The following GRID2 variants were observed in gnomAD, a reference collection of about 807,000 sequenced individuals.
GRID2 encodes glutamate receptor ionotropic, delta-2.
In GRID2, 33 loss-of-function variants were observed where a neutral mutation model predicts 114.8. The ratio of observed to expected loss-of-function variants is 0.29; its 90% CI spans 0.22 to 0.38. The LOEUF is 0.38. Ranked by LOEUF, GRID2 falls within the 10% of genes least tolerant of loss-of-function variation. The pLI is 1.00. For missense variants in GRID2, 1,184 were observed against 1,257.7 expected (o/e 0.94, Z 0.89); for synonymous variants, 505 against 449.9 (o/e 1.12, Z -1.55).
At chr4:93,612,015 A>C (rs371779335) in intron 13 of GRID2, among the ~76,000 whole-genome samples, 10 of 151,390 alleles carry the variant, frequency 6.6e-5, no homozygotes, top group African/African-American at 1.9e-4. Context: ...TGGGTGCATA[A>C]ATATTTAGGA....
At chr4:93,398,540 G>A (rs1319467029) in intron 9 of GRID2, among the ~76,000 whole-genome samples, 2 of 151,792 alleles carry the variant, frequency 1.3e-5, no homozygotes, top group African/African-American at 4.8e-5. Context: ...GTTTTATTGG[G>A]AAGGATTGTA....
chr4:93,308,247 T>G (rs1024547880), intron 8 of GRID2, among the ~76,000 whole-genome samples: 1 of 152,206 alleles, frequency 6.6e-6, no homozygotes, highest in Non-Finnish European at 1.5e-5. Context: ...TGTCGAGTCC[T>G]TTGACAAAGA....
rs1009246235 is a variant in GRID2 at position 92,668,840 on chromosome 4, A to G, written c.244+78554A>G. Among the ~76,000 whole-genome samples the G allele has an allele frequency of 5.3e-5, 8 of 152,008 alleles. No homozygotes were observed. The East Asian group carries it at 1.5e-3, about 29-fold the overall frequency. ...ATAGTCCCCTTGCCAAGTAGTCAGT[A>G]TTTATAATTAACATATTTACTAGAT... is the stretch of plus-strand genomic sequence containing the variant. On this transcript the variant is annotated intron_variant, in intron 2 of 15. Coordinates refer to ENST00000282020, the MANE Select transcript of GRID2 (RefSeq NM_001510.4).
intron 2 of GRID2, among the ~76,000 whole-genome samples, chr4:92,947,077 T>C (rs1185856597): frequency 6.6e-6 from 1 of 152,052 alleles, no homozygotes; most frequent in Non-Finnish European, 1.5e-5. Flanking sequence ...GTAGTCAACA[T>C]AAAAGAAAGA....
At position 93,148,340 on chromosome 4, in the gene GRID2, A is replaced by G. The variant is rs189659882; in HGVS notation, c.735+37387A>G. Among the ~76,000 whole-genome samples the G allele has an allele frequency of 4.1e-3, 628 of 152,300 alleles. 8 individuals are homozygous for G. The highest frequency in any genetic ancestry group is 0.015 in the African/African-American group (607 of 41,576). Reference sequence around the variant, plus strand: ...CTCATACACTGAGACCTTAGTATAAATCTTATATATTAGTATCATTATTTA... The same window carrying G: ...CTCATACACTGAGACCTTAGTATAAGTCTTATATATTAGTATCATTATTTA... On this transcript the variant is annotated intron_variant, in intron 4 of 15. Transcript: ENST00000282020.
intron 2 of GRID2, among the ~76,000 whole-genome samples, chr4:92,787,824 A>G (rs1471433913): frequency 6.6e-6 from 1 of 151,834 alleles, no homozygotes; most frequent in African/African-American, 2.4e-5. Flanking sequence ...TCCTACGGTG[A>G]TAGAAGACCG....
At chr4:93,759,313 C>T (rs1733015970) in intron 14 of GRID2, among the ~76,000 whole-genome samples, 1 of 152,068 alleles carries the variant, frequency 6.6e-6, no homozygotes, top group Non-Finnish European at 1.5e-5. Context: ...CTAGAGAGAT[C>T]AATTTGAATG....
rs1721805224 is a variant in GRID2 at position 93,008,597 on chromosome 4, T to C, written c.245-76398T>C. ...TTTTTTTGTTGTTGCTTGCGTGTTT[T>C]GATGGAAGTGGTGTTTGTGTGTTTT... On this transcript the variant is annotated intron_variant, in intron 2 of 15. Coordinates refer to ENST00000282020, the MANE Select transcript of GRID2 (RefSeq NM_001510.4). Among the ~76,000 whole-genome samples, 2 of 152,136 alleles carry C rather than the reference T, an allele frequency of 1.3e-5. 1 individual carries two copies. Among genetic ancestry groups the C allele is most frequent in the Admixed American group, 1.3e-4 (2 of 15,248 alleles).
Position 93,150,024 on chromosome 4 carries a change from G to A in GRID2, c.735+39071G>A, listed in dbSNP as rs145135911. Among the ~76,000 whole-genome samples the A allele has an allele frequency of 1.4e-4, 22 of 151,936 alleles. No homozygotes were observed. In the East Asian group the frequency reaches 2.9e-3, roughly 20 times the overall value. ...TATCCATTGGTCAATTTTGCACTTC[G>A]ACAGAGGGCAAACTATGATTACAAG... On this transcript the variant is annotated intron_variant, in intron 4 of 15. Transcript: ENST00000282020.
At chr4:93,237,359 C>A (rs1746917526) in intron 7 of GRID2, among the ~76,000 whole-genome samples, 1 of 151,780 alleles carries the variant, frequency 6.6e-6, no homozygotes, top group Non-Finnish European at 1.5e-5. Context: ...ATGAACTTTG[C>A]ATCAGGTGAT....
intron 13 of GRID2, among the ~76,000 whole-genome samples, chr4:93,568,540 G>A (rs572541861): frequency 1.3e-5 from 2 of 152,166 alleles, no homozygotes; most frequent in South Asian, 4.1e-4. Flanking sequence ...CGTAGTAGAG[G>A]AAGCTGAAAT....
At chr4:93,004,664 T>C (rs1721323807) in intron 2 of GRID2, among the ~76,000 whole-genome samples, 1 of 151,948 alleles carries the variant, frequency 6.6e-6, no homozygotes, top group Admixed American at 6.6e-5. Flanking sequence ...TGTCACATCT[T>C]CCACTCCCCC....
chr4:93,124,129 AG>A (rs760748541), intron 4 of GRID2, among the ~76,000 whole-genome samples: 2 of 150,610 alleles, frequency 1.3e-5, no homozygotes, highest in African/African-American at 4.8e-5. Context: ...AAAAAAAAAA[AG>A]ATAAATTTGA....
intron 3 of GRID2, among the ~76,000 whole-genome samples, chr4:93,103,615 C>T (rs113806428): frequency 0.024 from 3,710 of 151,964 alleles, 66 homozygotes; most frequent in Middle Eastern, 0.041. Flanking sequence ...TATGCTTATC[C>T]AGGTTCTCCA....
chr4:92,805,147 T>C (rs904365188), intron 2 of GRID2, among the ~76,000 whole-genome samples: 1 of 152,016 alleles, frequency 6.6e-6, no homozygotes, highest in African/African-American at 2.4e-5. Context: ...TTTGCTTATG[T>C]TTATCCTTCT....
At chr4:92,574,242 AC>A in intron 1 of GRID2, among the ~76,000 whole-genome samples, 1 of 152,000 alleles carries the variant, frequency 6.6e-6, no homozygotes, top group Non-Finnish European at 1.5e-5. Flanking sequence ...TTAGTTCTGT[AC>A]CCAGCTTGCC....
At chr4:92,717,579 A>G (rs573349914) in intron 2 of GRID2, among the ~76,000 whole-genome samples, 1 of 152,334 alleles carries the variant, frequency 6.6e-6, no homozygotes, top group Admixed American at 6.5e-5. Context: ...TAAACACAGT[A>G]TGTCTATACT....
rs114544235 is a variant in GRID2, at chr4:93,344,194, C to T, written c.1246-51413C>T. Among the ~76,000 whole-genome samples, 834 of 152,106 alleles carry T rather than the reference C, an allele frequency of 5.5e-3. 4 individuals carry two copies. The highest frequency in any genetic ancestry group is 0.019 in the African/African-American group (795 of 41,538). ...TGATAGCCCTTACAAGACTGGTCATCAACATTCAGAACCATGTTAATTGCC... is the reference window on the plus strand; with the variant it reads ...TGATAGCCCTTACAAGACTGGTCATTAACATTCAGAACCATGTTAATTGCC... On this transcript the variant is annotated intron_variant, in intron 8 of 15. Coordinates refer to ENST00000282020, the MANE Select transcript of GRID2 (RefSeq NM_001510.4).
chr4:92,931,260 C>T (rs1470669319), intron 2 of GRID2, among the ~76,000 whole-genome samples: 1 of 150,560 alleles, frequency 6.6e-6, no homozygotes, highest in Non-Finnish European at 1.5e-5. Flanking sequence ...ACTTAATAGG[C>T]ATTAAAAAAA....
Sources: gnomAD v4.1 joint callset for allele counts (sites outside exome capture counted in the v4.1 genomes callset) on GRCh38, gnomAD v4.1.1 for gene constraint, MANE v1.5 for transcripts, NCBI Gene and HGNC (gene_info 2026-07-23, HGNC 2026-07-21) for gene names.